Variants in CD99L2 observed in about 807,000 individuals in gnomAD.
CD99L2 encodes CD99 molecule like 2.
Under a neutral mutation model 27.3 loss-of-function variants are expected in CD99L2, and 24 were observed. The ratio of observed to expected loss-of-function variants is 0.88; its 90% CI spans 0.64 to 1.24. The LOEUF (loss-of-function observed/expected upper bound fraction) is 1.24, where lower values mean the gene tolerates loss of function less well. CD99L2 is among the 50% of genes most tolerant of loss of function. The pLI is 0.00. For missense variants in CD99L2, 255 were observed against 221.6 expected (o/e 1.15, Z -0.96); for synonymous variants, 97 against 87.9 (o/e 1.10, Z -0.58).
intron 10 of CD99L2, among the ~76,000 whole-genome samples, chrX:150,769,622 TGCTGC>T: frequency 9.1e-6 from 1 of 109,366 alleles, no homozygotes; most frequent in South Asian, 3.7e-4. Context: ...TCCCCACGGC[TGCTGC>T]ACTGTAGTTC....
At chrX:150,885,717 T>C (rs1166657612) in intron 1 of CD99L2, among the ~76,000 whole-genome samples, 1 of 112,414 alleles carries the variant, frequency 8.9e-6, no homozygotes, top group African/African-American at 3.2e-5. Context: ...GTTATCTTAT[T>C]ATAGTTTAAT....
chrX:150,896,209 C>T (rs994493434), intron 1 of CD99L2, among the ~76,000 whole-genome samples: 2 of 110,315 alleles, frequency 1.8e-5, no homozygotes, highest in Admixed American at 9.7e-5. Context: ...ACCAGCCTGG[C>T]CAACACAGTG....
intron 7 of CD99L2, among the ~76,000 whole-genome samples, chrX:150,784,596 T>A (rs113600721): frequency 0.019 from 2,120 of 111,898 alleles, 62 homozygotes; most frequent in African/African-American, 0.066. Flanking sequence ...TCCTTTGAGG[T>A]TCCAGGAGAA....
At chrX:150,778,852 A>C (rs897813608) in intron 7 of CD99L2, among the ~76,000 whole-genome samples, 37 of 109,150 alleles carry the variant, frequency 3.4e-4, no homozygotes, top group Non-Finnish European at 6.3e-4. Flanking sequence ...AACAAAACAA[A>C]AAAAAAACAA....
At position 150,770,715 on chromosome X, in the gene CD99L2, G is replaced by A. The variant is rs1305840082; in HGVS notation, c.656-346C>T. 3.5e-5 allele frequency among the ~76,000 whole-genome samples: 4 copies of A among 113,222 alleles called. No individual in the cohort carries two copies. The East Asian group carries it at 8.4e-4, about 24-fold the overall frequency. Reference sequence around the variant, plus strand: ...ATGGCAGGGCTCAGCACCATCCACAGGTCCGTGTGCGTGTGCGGCCCGGGG... The same window carrying A: ...ATGGCAGGGCTCAGCACCATCCACAAGTCCGTGTGCGTGTGCGGCCCGGGG... On this transcript the variant is annotated intron_variant, in intron 9 of 10. Transcript: ENST00000370377.
chrX:150,813,220 C>T (rs12006755), intron 4 of CD99L2, among the ~76,000 whole-genome samples: 2,976 of 111,433 alleles, frequency 0.027, 118 homozygotes, highest in African/African-American at 0.093. Flanking sequence ...AGAAGACACA[C>T]ACACATGTGA....
Position 150,814,897 on chromosome X carries a change from T to C in CD99L2, c.242A>G (p.Asp81Gly). ...LDLADALDDQ[D>G]DGRRKPGIGG... ...TATACCCGGTTTCCTGCGGCCATCATCTTGATCATCCAAAGCATCAGCCAA... is the reference window on the plus strand; with the variant it reads ...TATACCCGGTTTCCTGCGGCCATCACCTTGATCATCCAAAGCATCAGCCAA... The change falls in exon 4 of 11, where the codon GAT becomes GGT. Residue 81 changes from aspartate (D) to glycine (G), a missense_variant. Coordinates refer to ENST00000370377, the MANE Select transcript of CD99L2 (RefSeq NM_031462.4). The C allele has an allele frequency of 8.3e-7, 1 of 1,211,328 alleles. No individual in the cohort carries two copies.
intron 1 of CD99L2, among the ~76,000 whole-genome samples, chrX:150,859,355 C>T (rs1365462814): frequency 1.8e-5 from 2 of 110,774 alleles, no homozygotes; most frequent in African/African-American, 6.6e-5. Flanking sequence ...AAAAATTAGC[C>T]AGGCATGGTG....
intron 2 of CD99L2, among the ~76,000 whole-genome samples, chrX:150,822,885 T>C (rs939476089): frequency 8.9e-6 from 1 of 112,328 alleles, no homozygotes; most frequent in Non-Finnish European, 1.9e-5. Context: ...TCATCTTGAA[T>C]TGTAGTTCTC....
At chrX:150,891,769 A>G (rs1557422826) in intron 1 of CD99L2, among the ~76,000 whole-genome samples, 3 of 109,995 alleles carry the variant, frequency 2.7e-5, no homozygotes, top group Non-Finnish European at 5.7e-5. Context: ...GGTGTCTACG[A>G]TGACGTTAAG....
In CD99L2 at chrX:150,768,837, G is replaced by C. The variant is rs782777901; in HGVS notation, c.*197C>G. ...TATCAGAGCTGGCTCTTGAATTTCGGCACCAAGTCTCAGCACGCTTGGGGC... is the reference window on the plus strand; with the variant it reads ...TATCAGAGCTGGCTCTTGAATTTCGCCACCAAGTCTCAGCACGCTTGGGGC... On this transcript the variant is annotated 3_prime_UTR_variant, in exon 11 of 11. Coordinates refer to ENST00000370377, the MANE Select transcript of CD99L2 (RefSeq NM_031462.4). 2.1e-6 allele frequency: 2 copies of C among 936,773 alleles called. No individual in the cohort carries two copies. The highest frequency in any genetic ancestry group is 2.7e-6 in the Non-Finnish European group (2 of 743,990). The allele number at this position is 936,773 out of a possible 1,213,427, so 77.2% of individuals were successfully genotyped here.
intron 7 of CD99L2, among the ~76,000 whole-genome samples, chrX:150,784,753 A>G (rs1373350237): frequency 8.9e-6 from 1 of 112,856 alleles, no homozygotes; most frequent in Non-Finnish European, 1.9e-5. Context: ...TGTTTGCTCC[A>G]CAGTCCTCAT....
At chrX:150,771,410 C>T (rs2043452369) in intron 9 of CD99L2, among the ~76,000 whole-genome samples, 1 of 112,512 alleles carries the variant, frequency 8.9e-6, no homozygotes, top group Non-Finnish European at 1.9e-5. Context: ...CCCAGGTGCA[C>T]CTTCCCAGCT....
intron 3 of CD99L2, 71 bp downstream of exon 3, chrX:150,815,936 A>C: frequency 9.8e-7 from 1 of 1,021,184 alleles, no homozygotes; most frequent in Non-Finnish European, 1.4e-6. Flanking sequence ...TAGGTAGTTC[A>C]CTTGCATGCT....
chrX:150,858,413 A>G (rs1404039034), intron 1 of CD99L2, among the ~76,000 whole-genome samples: 2 of 113,029 alleles, frequency 1.8e-5, no homozygotes, highest in Non-Finnish European at 3.7e-5. Context: ...CAGAATGCAC[A>G]TTCTTCTCAT....
chrX:150,794,885 T>C (rs1025466947), intron 6 of CD99L2, among the ~76,000 whole-genome samples: 6 of 112,931 alleles, frequency 5.3e-5, no homozygotes, highest in Non-Finnish European at 9.4e-5. Flanking sequence ...AGTTTTTGTC[T>C]TGCCAAGCAT....
intron 1 of CD99L2, among the ~76,000 whole-genome samples, chrX:150,883,786 C>T (rs1557422555): frequency 8.9e-6 from 1 of 111,743 alleles, no homozygotes; most frequent in Non-Finnish European, 1.9e-5. Flanking sequence ...AAAGAATAAA[C>T]AGGAAAATGA....
intron 4 of CD99L2, among the ~76,000 whole-genome samples, chrX:150,809,413 T>C (rs1295729462): frequency 2.7e-5 from 3 of 112,326 alleles, no homozygotes; most frequent in African/African-American, 9.7e-5. Flanking sequence ...TAAGAGTGAA[T>C]GAATACTACT....
intron 4 of CD99L2, among the ~76,000 whole-genome samples, chrX:150,798,325 GA>G (rs1317737816): frequency 2.7e-4 from 28 of 104,490 alleles, no homozygotes; most frequent in African/African-American, 9.8e-4. Context: ...GAAAGGAAAG[GA>G]AAAGGGAAAG....
Sources: allele counts gnomAD v4.1 joint callset (sites outside exome capture counted in the v4.1 genomes callset), GRCh38; gene constraint gnomAD v4.1.1; transcripts MANE v1.5; gene names NCBI Gene and HGNC (gene_info 2026-07-23, HGNC 2026-07-21).